The following CRACR2A variants were observed in gnomAD, a reference collection of about 807,000 sequenced individuals.
CRACR2A encodes the protein EF-hand calcium-binding domain-containing protein 4B.
Under a neutral mutation model 90.5 loss-of-function variants are expected in CRACR2A, and 79 were observed. That is an observed-to-expected ratio of 0.87 (90% CI 0.73 to 1.05). The LOEUF (loss-of-function observed/expected upper bound fraction) is 1.05. CRACR2A is among the 50% of genes least tolerant of loss of function. The pLI is 0.00. For missense variants in CRACR2A, 823 were observed against 897.2 expected (o/e 0.92, Z 1.06); for synonymous variants, 338 against 356.7 (o/e 0.95, Z 0.59).
At chr12:3,634,636 A>T (rs1360807490) in intron 14 of CRACR2A, among the ~76,000 whole-genome samples, 1 of 152,240 alleles carries the variant, frequency 6.6e-6, no homozygotes, top group Non-Finnish European at 1.5e-5. Flanking sequence ...GGCCCAGCTC[A>T]GCGTTGCCTG....
chr12:3,651,282 C>T (rs767171506), intron 10 of CRACR2A, among the ~76,000 whole-genome samples: 1 of 152,240 alleles, frequency 6.6e-6, no homozygotes, highest in Admixed American at 6.5e-5. Flanking sequence ...TGTATGCATG[C>T]GTGTGCACGT....
intron 17 of CRACR2A, among the ~76,000 whole-genome samples, chr12:3,621,430 G>A (rs1944131372): frequency 6.7e-6 from 1 of 148,874 alleles, no homozygotes; most frequent in African/African-American, 2.5e-5. Flanking sequence ...GAGGTGGGTG[G>A]ATCATGAGGT....
rs778722846 is a variant in CRACR2A, at chr12:3,654,411, TG to T, written c.859-13del. On this transcript the variant is annotated splice_polypyrimidine_tract_variant and intron_variant, in intron 9 of 19. Coordinates refer to ENST00000440314, the MANE Select transcript of CRACR2A (RefSeq NM_001144958.2). ...CACTGACCTTCCAGCTGCAAAGGAA[TG>T]GGGAGCAGAGGGGAATGAGGAGTGA... is the stretch of plus-strand genomic sequence containing the variant. 2.2e-5 allele frequency: 35 copies of T among 1,579,422 alleles called. No homozygotes were observed. The highest frequency in any genetic ancestry group is 1.7e-4 in the Middle Eastern group (1 of 5,944).
chr12:3,723,706 G>A (rs1407104613), intron 2 of CRACR2A, among the ~76,000 whole-genome samples: 1 of 152,072 alleles, frequency 6.6e-6, no homozygotes, highest in Non-Finnish European at 1.5e-5. Flanking sequence ...AAGGATGCTG[G>A]GGTTCTTGTA....
At chr12:3,722,731 G>A (rs186281508) in intron 2 of CRACR2A, among the ~76,000 whole-genome samples, 126 of 152,264 alleles carry the variant, frequency 8.3e-4, no homozygotes, top group African/African-American at 2.8e-3. Flanking sequence ...GCTGTGAATA[G>A]TCCCCCTCCA....
intron 4 of CRACR2A, among the ~76,000 whole-genome samples, chr12:3,688,942 T>C (rs918136152): frequency 2.6e-5 from 4 of 152,234 alleles, no homozygotes; most frequent in African/African-American, 9.6e-5. Flanking sequence ...TCCTTAGCTG[T>C]ATTTTATTGT....
intron 1 of CRACR2A, chr12:3,752,608 G>C (rs900869212): frequency 1.3e-5 from 2 of 152,422 alleles, no homozygotes; most frequent in African/African-American, 4.8e-5. Context: ...GCGTGGCCAG[G>C]GCTCCTAGTA....
At chr12:3,619,178 C>T in intron 18 of CRACR2A, 93 bp downstream of exon 18, 1 of 990,840 alleles carries the variant, frequency 1.0e-6, no homozygotes, top group Middle Eastern at 2.3e-4. Flanking sequence ...CATGGCACTT[C>T]CAGAGAAAGT....
intron 4 of CRACR2A, among the ~76,000 whole-genome samples, chr12:3,694,930 AG>A (rs1395432475): frequency 6.6e-6 from 1 of 152,240 alleles, no homozygotes; most frequent in African/African-American, 2.4e-5. Flanking sequence ...TGCCTGGATC[AG>A]GAGTGAGGAC....
chr12:3,672,929 T>G (rs1454238077), intron 7 of CRACR2A: 36 of 365,604 alleles, frequency 9.8e-5, no homozygotes, highest in Non-Finnish European at 1.3e-4. Flanking sequence ...ATAGGTCACC[T>G]TACCAAACAC....
At chr12:3,638,006 G>C (rs1944488502) in intron 14 of CRACR2A, 118 bp downstream of exon 14, 1 of 993,460 alleles carries the variant, frequency 1.0e-6, no homozygotes, top group South Asian at 1.7e-5. Context: ...CATATGTGGT[G>C]AATCATAAGA....
chr12:3,670,053 G>A (rs1366651736), intron 7 of CRACR2A, among the ~76,000 whole-genome samples: 1 of 152,204 alleles, frequency 6.6e-6, no homozygotes, highest in African/African-American at 2.4e-5. Context: ...GCATCTAAGC[G>A]CTATCTCCTT....
In CRACR2A at chr12:3,627,426, G is replaced by A. The variant is rs756412264; in HGVS notation, c.1932+10C>T. 10 of 1,547,992 alleles carry A rather than the reference G, an allele frequency of 6.5e-6. No individual in the cohort carries two copies. The Middle Eastern group carries it at 5.0e-4, about 78-fold the overall frequency. On this transcript the variant is annotated intron_variant, in intron 17 of 19. Transcript: ENST00000440314. ...AAGCCTAAATGCTCCTAGGAAGGTC[G>A]CCAGCTCACCTCCACGCTGCTCAGC...
intron 4 of CRACR2A, among the ~76,000 whole-genome samples, chr12:3,682,910 G>A (rs1339321430): frequency 6.6e-6 from 1 of 151,962 alleles, no homozygotes; most frequent in Non-Finnish European, 1.5e-5. Flanking sequence ...AGCCTCCTGG[G>A]TAGCTGGGAC....
chr12:3,718,435 G>A (rs1441952159), intron 2 of CRACR2A, among the ~76,000 whole-genome samples: 2 of 152,158 alleles, frequency 1.3e-5, no homozygotes, highest in Non-Finnish European at 2.9e-5. Context: ...TGCCTTGGGG[G>A]GATGGCAGAG....
In CRACR2A at chr12:3,673,516, G is replaced by T; in HGVS notation, c.601C>A (p.Leu201Met). ...PHLLSNFEDF[L>M]TRIISQLQEA... Reference sequence around the variant, plus strand: ...TGGAGCTGGGAGATGATTCTGGTCAGGAAGTCTTCAAAGTTGGACAGTAAA... The same window carrying T: ...TGGAGCTGGGAGATGATTCTGGTCATGAAGTCTTCAAAGTTGGACAGTAAA... Residue 201 changes from leucine (L) to methionine (M), a missense_variant, in exon 7 of 20, where the codon CTG becomes ATG. Transcript: ENST00000440314. The T allele has an allele frequency of 1.2e-6, 2 of 1,614,124 alleles. No homozygotes were observed. The highest frequency in any genetic ancestry group is 8.5e-7 in the Non-Finnish European group (1 of 1,180,014).
intron 4 of CRACR2A, among the ~76,000 whole-genome samples, chr12:3,696,484 G>C (rs529702239): frequency 1.2e-4 from 17 of 147,328 alleles, no homozygotes; most frequent in African/African-American, 4.1e-4. Context: ...GGTTCTTCTC[G>C]TGTCTTACTT....
chr12:3,651,811 C>A (rs143505553), intron 10 of CRACR2A, among the ~76,000 whole-genome samples: 81 of 152,226 alleles, frequency 5.3e-4, no homozygotes, highest in African/African-American at 1.8e-3. Flanking sequence ...TGGCTTTGGG[C>A]AGGTCACTAC....
At chr12:3,748,742 C>G (rs1946660490) in intron 1 of CRACR2A, among the ~76,000 whole-genome samples, 1 of 152,198 alleles carries the variant, frequency 6.6e-6, no homozygotes, top group African/African-American at 2.4e-5. Context: ...CACCTGAGGC[C>G]AAGACTCAGC....
Sources: gnomAD v4.1 joint callset for allele counts (sites outside exome capture counted in the v4.1 genomes callset) on GRCh38, gnomAD v4.1.1 for gene constraint, MANE v1.5 for transcripts, NCBI Gene and HGNC (gene_info 2026-07-23, HGNC 2026-07-21) for gene names.